The following PHACTR1 variants were observed in gnomAD, a reference collection of about 807,000 sequenced individuals.
The protein encoded by PHACTR1 is RPEL repeat containing 1.
In PHACTR1, 16 loss-of-function variants were observed where a neutral mutation model predicts 69.2. The ratio of observed to expected loss-of-function variants is 0.23; its 90% CI spans 0.16 to 0.35. PHACTR1 has a LOEUF of 0.35. PHACTR1 is among the 10% of genes least tolerant of loss of function. The pLI is 1.00. For missense variants in PHACTR1, 510 were observed against 734.7 expected (o/e 0.69, Z 3.54); for synonymous variants, 312 against 284.5 (o/e 1.10, Z -0.97).
rs567333305 is a variant in PHACTR1, at chr6:12,986,476, G to A, written c.251-66889G>A. ...ATGGGCCTACTACTGTATGGTTTCAGTCTTTAGCTCACTAGATGAGAAGCC... is the reference window on the plus strand; with the variant it reads ...ATGGGCCTACTACTGTATGGTTTCAATCTTTAGCTCACTAGATGAGAAGCC... On this transcript the variant is annotated intron_variant, in intron 4 of 14. Coordinates refer to ENST00000332995, the MANE Select transcript of PHACTR1 (RefSeq NM_030948.6). Among the ~76,000 whole-genome samples, 6 of 152,322 alleles carry A rather than the reference G, an allele frequency of 3.9e-5. No homozygotes were observed. The East Asian group carries it at 1.2e-3, about 29-fold the overall frequency.
chr6:12,740,740 A>C (rs560016513), intron 3 of PHACTR1, among the ~76,000 whole-genome samples: 1 of 151,792 alleles, frequency 6.6e-6, no homozygotes, highest in African/African-American at 2.4e-5. Flanking sequence ...CTTTTTTTTA[A>C]GTAGGCATGT....
intron 3 of PHACTR1, among the ~76,000 whole-genome samples, chr6:12,729,773 C>T (rs1763253830): frequency 2.0e-5 from 3 of 152,128 alleles, no homozygotes; most frequent in Admixed American, 2.0e-4. Flanking sequence ...TGCAGTGACT[C>T]AAACAAGAAG....
At chr6:13,139,255 G>A (rs767508078) in intron 5 of PHACTR1, among the ~76,000 whole-genome samples, 1 of 151,890 alleles carries the variant, frequency 6.6e-6, no homozygotes, top group Non-Finnish European at 1.5e-5. Context: ...CCATCCCACT[G>A]CATATTTTTG....
intron 4 of PHACTR1, among the ~76,000 whole-genome samples, chr6:12,780,755 G>A (rs1425293800): frequency 6.6e-6 from 1 of 152,136 alleles, no homozygotes; most frequent in African/African-American, 2.4e-5. Context: ...GTACTGTTTT[G>A]GAGTGTGATC....
intron 5 of PHACTR1, among the ~76,000 whole-genome samples, chr6:13,103,855 G>A (rs1270966272): frequency 6.6e-6 from 1 of 152,188 alleles, no homozygotes; most frequent in East Asian, 1.9e-4. Flanking sequence ...AGGCCAGGGT[G>A]GGCAGATCAC....
chr6:12,857,331 G>C (rs932810177), intron 4 of PHACTR1, among the ~76,000 whole-genome samples: 1 of 152,142 alleles, frequency 6.6e-6, no homozygotes, highest in Non-Finnish European at 1.5e-5. Flanking sequence ...CAACATTCTC[G>C]TCAGGCGCGG....
At chr6:12,860,845 C>T (rs1780869598) in intron 4 of PHACTR1, among the ~76,000 whole-genome samples, 1 of 152,194 alleles carries the variant, frequency 6.6e-6, no homozygotes, top group Admixed American at 6.5e-5. Context: ...GTGTACTCTT[C>T]TTCCAAGGTT....
chr6:12,963,734 G>A (rs1424005921), intron 4 of PHACTR1, among the ~76,000 whole-genome samples: 2 of 152,138 alleles, frequency 1.3e-5, no homozygotes, highest in Non-Finnish European at 2.9e-5. Context: ...CAACAGGTTA[G>A]TGTACAAAAT....
At chr6:12,734,081 C>G (rs1439127946) in intron 3 of PHACTR1, among the ~76,000 whole-genome samples, 1 of 152,164 alleles carries the variant, frequency 6.6e-6, no homozygotes, top group Non-Finnish European at 1.5e-5. Flanking sequence ...TGCACAGTGT[C>G]TACTTTAAGA....
chr6:13,272,937 A>T, intron 11 of PHACTR1, 22 bp downstream of exon 11: 4 of 1,613,162 alleles, frequency 2.5e-6, no homozygotes, highest in Non-Finnish European at 3.4e-6. Context: ...AGCCCATGGC[A>T]ATCCCTGATG....
In PHACTR1 at chr6:13,160,200, G is replaced by A. The variant is rs377248234; in HGVS notation, c.416-4G>A. On this transcript the variant is annotated splice_region_variant and splice_polypyrimidine_tract_variant and intron_variant, in intron 5 of 14. Transcript: ENST00000332995. ...CTGCCTCCCTGTTTGTCTTTTGTTT[G>A]TAGCCCTGGAAAGGAAAATATCTAT... 2.4e-4 allele frequency: 391 copies of A among 1,613,188 alleles called. No homozygotes were observed. Among genetic ancestry groups the A allele is most frequent in the Non-Finnish European group, 3.1e-4 (368 of 1,179,418 alleles).
At chr6:12,984,254 T>C (rs1206369072) in intron 4 of PHACTR1, among the ~76,000 whole-genome samples, 1 of 152,232 alleles carries the variant, frequency 6.6e-6, no homozygotes, top group South Asian at 2.1e-4. Flanking sequence ...TGGTATGAGA[T>C]GGTAAGGAGA....
chr6:12,804,658 C>T (rs1774096004), intron 4 of PHACTR1, among the ~76,000 whole-genome samples: 2 of 152,246 alleles, frequency 1.3e-5, no homozygotes, highest in South Asian at 4.1e-4. Flanking sequence ...CCTGTCTCTA[C>T]AAAAAGCACA....
chr6:13,006,015 TATC>T (rs1798742679), intron 4 of PHACTR1, among the ~76,000 whole-genome samples: 1 of 152,196 alleles, frequency 6.6e-6, no homozygotes, highest in African/African-American at 2.4e-5. Context: ...AAAGGCCAAT[TATC>T]ATTAGCTGAT....
rs1431599225 is a variant in PHACTR1 at position 13,230,161 on chromosome 6, G to A, written c.1359G>A (p.Glu453=). ...LPRQTDEERL[E]LRQQIGTKLT... The stretch of plus-strand genomic sequence containing the variant: ...GGCAGACGGATGAGGAGCGGCTGGA[G>A]CTGAGGCAACAGATTGGCACCAAGC... Residue 453 remains glutamate, a synonymous_variant, in exon 10 of 15, where the codon GAG becomes GAA. Transcript: ENST00000332995. 3.1e-6 allele frequency: 5 copies of A among 1,611,026 alleles called. No individual in the cohort carries two copies. The highest frequency in any genetic ancestry group is 1.7e-5 in the Admixed American group (1 of 59,732).
At chr6:12,781,698 G>A (rs1433489178) in intron 4 of PHACTR1, among the ~76,000 whole-genome samples, 2 of 152,116 alleles carry the variant, frequency 1.3e-5, no homozygotes, top group African/African-American at 2.4e-5. Flanking sequence ...GACCCATCAC[G>A]TCACCATGTT....
intron 4 of PHACTR1, among the ~76,000 whole-genome samples, chr6:12,902,104 T>A (rs1466182141): frequency 3.3e-5 from 5 of 152,048 alleles, no homozygotes; most frequent in Admixed American, 2.6e-4. Context: ...GATCCAGCCC[T>A]CAAGGTCAGC....
intron 4 of PHACTR1, among the ~76,000 whole-genome samples, chr6:13,025,671 T>TTG (rs60800778): frequency 0.096 from 13,470 of 140,204 alleles, 717 homozygotes; most frequent in East Asian, 0.18. Context: ...CATATATTAT[T>TTG]TGTGTGTGTG....
chr6:12,795,651 T>A (rs544162270), intron 4 of PHACTR1, among the ~76,000 whole-genome samples: 1 of 151,882 alleles, frequency 6.6e-6, no homozygotes, highest in East Asian at 1.9e-4. Context: ...ATAGAATCAG[T>A]GAATTTTTCA....
Sources: allele counts gnomAD v4.1 joint callset (sites outside exome capture counted in the v4.1 genomes callset), GRCh38; gene constraint gnomAD v4.1.1; transcripts MANE v1.5; gene names NCBI Gene and HGNC (gene_info 2026-07-23, HGNC 2026-07-21).